The following PCDHA6 variants were observed in gnomAD, a reference collection of about 807,000 sequenced individuals.
PCDHA6 encodes the protein protocadherin alpha 6, also known as protocadherin alpha-6.
PCDHA6 carries 55 observed loss-of-function variants against 60.3 expected under a neutral mutation model. That is an observed-to-expected ratio of 0.91 (90% confidence interval 0.73 to 1.14). The LOEUF is 1.14. Ranked by LOEUF, PCDHA6 falls within the 50% of genes most tolerant of loss-of-function variation. The probability of loss-of-function intolerance (pLI) is 0.00; values close to 1 mark genes in which losing one functional copy is unlikely to be tolerated. For missense variants in PCDHA6, 1,327 were observed against 1,256.5 expected (o/e 1.06, Z -0.85); for synonymous variants, 652 against 557.9 (o/e 1.17, Z -2.38).
At chr5:140,952,789 A>T (rs564361136) in intron 1 of PCDHA6, among the ~76,000 whole-genome samples, 1 of 152,316 alleles carries the variant, frequency 6.6e-6, no homozygotes, top group South Asian at 2.1e-4. Context: ...AAAGAGGTTT[A>T]ACTGGCTCGC....
rs2150349666 is a variant in PCDHA6, at chr5:140,842,999, G to T, written c.2394+12514G>T. ...GCAGGTGTTCGTGCTGGACGAGAAT[G>T]ACAACGCGCCGGCACTGCTGGAGCC... On this transcript the variant is annotated intron_variant, in intron 1 of 3. Coordinates refer to ENST00000529310, the MANE Select transcript of PCDHA6 (RefSeq NM_018909.4). The T allele has an allele frequency of 6.3e-5, 100 of 1,594,954 alleles. 9 individuals carry two copies. In the Admixed American group the frequency reaches 1.7e-3, roughly 27 times the overall value.
chr5:140,937,595 C>A (rs940943581), intron 1 of PCDHA6, among the ~76,000 whole-genome samples: 1 of 150,652 alleles, frequency 6.6e-6, no homozygotes, highest in South Asian at 2.1e-4. Flanking sequence ...CTAGCCTGGG[C>A]AACAGAGTGA....
intron 1 of PCDHA6, among the ~76,000 whole-genome samples, chr5:140,873,569 G>A (rs1419596036): frequency 6.7e-6 from 1 of 148,974 alleles, no homozygotes; most frequent in African/African-American, 2.4e-5. Context: ...TTCTAGTTTG[G>A]TTGTTTAAGT....
chr5:140,961,776 A>G (rs1554225585), intron 1 of PCDHA6, among the ~76,000 whole-genome samples: 1 of 152,188 alleles, frequency 6.6e-6, no homozygotes, highest in African/African-American at 2.4e-5. Flanking sequence ...ATCAAGCTTA[A>G]TGGCACTTTT....
intron 1 of PCDHA6, among the ~76,000 whole-genome samples, chr5:140,905,043 A>T (rs782694794): frequency 1.5e-4 from 23 of 152,126 alleles, no homozygotes; most frequent in Non-Finnish European, 5.9e-5. Flanking sequence ...TAGTTTAATT[A>T]GGTCCCATTT....
Position 140,939,111 on chromosome 5 carries a change from T to G in PCDHA6, c.2395-39838T>G, listed in dbSNP as rs141486595. Reference sequence around the variant, plus strand: ...CTTAAAAACAATAGAAATTTATTTTTCACAATTCTGGAAGCTGGAAAGTTG... The same window carrying G: ...CTTAAAAACAATAGAAATTTATTTTGCACAATTCTGGAAGCTGGAAAGTTG... On this transcript the variant is annotated intron_variant, in intron 1 of 3. Coordinates refer to ENST00000529310, the MANE Select transcript of PCDHA6 (RefSeq NM_018909.4). Among the ~76,000 whole-genome samples, 62 of 152,324 alleles carry G rather than the reference T, an allele frequency of 4.1e-4. No homozygotes were observed. The East Asian group carries it at 0.01, about 25-fold the overall frequency.
chr5:140,828,657 A>C lies in PCDHA6; in HGVS notation c.566A>C (p.Asn189Thr). The change falls in exon 1 of 4, where the codon AAT becomes ACT. Residue 189 changes from asparagine (N) to threonine (T), a missense_variant. Transcript: ENST00000529310. ...GATGTGAAAATAAACAGTGATGACA[A>C]TAAACAAATTGGGCTCTTATTAAAG... ...GLDVKINSDD[N>T]KQIGLLLKKS... The C allele has an allele frequency of 6.2e-7, 1 of 1,614,208 alleles. No individual in the cohort carries two copies. The highest frequency in any genetic ancestry group is 8.5e-7 in the Non-Finnish European group (1 of 1,180,038).
intron 1 of PCDHA6, among the ~76,000 whole-genome samples, chr5:140,839,701 G>A (rs1342678083): frequency 6.6e-6 from 1 of 152,034 alleles, no homozygotes; most frequent in Non-Finnish European, 1.5e-5. Context: ...GGTAAATAAT[G>A]TGATGACAAA....
chr5:141,010,201 C>A lies in PCDHA6; in HGVS notation c.*264C>A, dbSNP rs782495760. On this transcript the variant is annotated 3_prime_UTR_variant, in exon 4 of 4. Transcript: ENST00000529310. ...GCAGACCCAAGTTTCCTTTCTCCTC[C>A]GCCGCAAAGGAGAGGCTTCCCAGCC... 5.0e-5 allele frequency: 77 copies of A among 1,551,916 alleles called. No individual in the cohort carries two copies. The highest frequency in any genetic ancestry group is 6.1e-5 in the Non-Finnish European group (70 of 1,147,084).
At position 140,828,598 on chromosome 5, in the gene PCDHA6, C is replaced by A. The variant is rs2150157215; in HGVS notation, c.507C>A (p.Thr169=). ...DADVGSNSIL[T]YKLSSSEYFG... ...ATGTTGGCTCAAATTCCATCTTAAC[C>A]TATAAACTCAGTTCTAGCGAATACT... The change falls in exon 1 of 4, where the codon ACC becomes ACA. Residue 169 remains threonine (T), a synonymous_variant. Transcript: ENST00000529310. 30 of 1,614,080 alleles carry A rather than the reference C, an allele frequency of 1.9e-5. No individual in the cohort carries two copies. The highest frequency in any genetic ancestry group is 2.3e-5 in the Non-Finnish European group (27 of 1,180,038).
Position 140,829,625 on chromosome 5 carries a change from G to A in PCDHA6, c.1534G>A (p.Ala512Thr), listed in dbSNP as rs138462086. 388 of 1,612,150 alleles carry A rather than the reference G, an allele frequency of 2.4e-4. No homozygotes were observed. The highest frequency in any genetic ancestry group is 2.9e-4 in the Non-Finnish European group (345 of 1,179,766). Residue 512 changes from alanine to threonine, a missense_variant, in exon 1 of 4, where the codon GCG (alanine) becomes ACG (threonine). Coordinates refer to ENST00000529310, the MANE Select transcript of PCDHA6 (RefSeq NM_018909.4). ...GTTGTCGAGCTACATTTCGGTGCAC[G>A]CGGAGAGCGGCAAGGTGTACGCGCT... ...RALSSYISVH[A>T]ESGKVYALQP...
At chr5:140,938,218 T>C (rs1050033125) in intron 1 of PCDHA6, among the ~76,000 whole-genome samples, 1 of 152,210 alleles carries the variant, frequency 6.6e-6, no homozygotes, top group Admixed American at 6.5e-5. Flanking sequence ...AGTGCTGGGA[T>C]TACAGGCATA....
chr5:140,928,513 A>AT (rs1563106002), intron 1 of PCDHA6: 1 of 1,614,182 alleles, frequency 6.2e-7, no homozygotes, highest in South Asian at 1.1e-5. Flanking sequence ...AACAGTGACT[A>AT]TAAACTTGTT....
At chr5:140,858,775 A>C (rs2045585315) in intron 1 of PCDHA6, 2 of 422,450 alleles carry the variant, frequency 4.7e-6, no homozygotes, top group Non-Finnish European at 8.6e-6. Context: ...TGAGATTAGT[A>C]CTTCATGTTA....
At position 140,882,742 on chromosome 5, in the gene PCDHA6, C is replaced by G. The variant is rs372229324; in HGVS notation, c.2394+52257C>G. Reference sequence around the variant, plus strand: ...CTCGATTTCCACTAGATGGCGCATCCGATGCAGATATTGGAGTAAACTCGG... The same window carrying G: ...CTCGATTTCCACTAGATGGCGCATCGGATGCAGATATTGGAGTAAACTCGG... On this transcript the variant is annotated intron_variant, in intron 1 of 3. Coordinates refer to ENST00000529310, the MANE Select transcript of PCDHA6 (RefSeq NM_018909.4). 126 of 1,614,092 alleles carry G rather than the reference C, an allele frequency of 7.8e-5. 1 individual carries two copies. The Middle Eastern group carries it at 1.6e-3, about 21-fold the overall frequency.
At chr5:140,913,610 A>C (rs1271705435) in intron 1 of PCDHA6, among the ~76,000 whole-genome samples, 2 of 151,906 alleles carry the variant, frequency 1.3e-5, no homozygotes, top group African/African-American at 4.8e-5. Flanking sequence ...TATTTTCTCT[A>C]CTAATTTTGG....
In PCDHA6 at chr5:140,976,792, T is replaced by C. The variant is rs982135806; in HGVS notation, c.2395-2157T>C. 2.1e-4 allele frequency among the ~76,000 whole-genome samples: 32 copies of C among 152,216 alleles called. 1 individual carries two copies. The highest frequency in any genetic ancestry group is 1.0e-3 in the Admixed American group (16 of 15,274). ...AGACTCTGACTATATAGCTACGCTT[T>C]TATGAATATCTGAAGATATGCATGT... On this transcript the variant is annotated intron_variant, in intron 1 of 3. Coordinates refer to ENST00000529310, the MANE Select transcript of PCDHA6 (RefSeq NM_018909.4).
chr5:141,000,615 A>G (rs2097951954), intron 3 of PCDHA6, among the ~76,000 whole-genome samples: 1 of 150,870 alleles, frequency 6.6e-6, no homozygotes, highest in South Asian at 2.1e-4. Context: ...TTTAGTAGAG[A>G]CAGGGTTTCA....
chr5:140,883,453 C>A lies in PCDHA6; in HGVS notation c.2394+52968C>A, dbSNP rs138388360. The stretch of plus-strand genomic sequence containing the variant: ...GCACCTTGACGCCGCATGTCCCCTT[C>A]AAGCTGGTGTCCACCTACAAGAACT... On this transcript the variant is annotated intron_variant, in intron 1 of 3. Transcript: ENST00000529310. 3.2e-5 allele frequency: 51 copies of A among 1,614,168 alleles called. No individual in the cohort carries two copies. In the East Asian group the frequency reaches 1.1e-3, roughly 35 times the overall value.
Sources: allele counts gnomAD v4.1 joint callset (sites outside exome capture counted in the v4.1 genomes callset), GRCh38; gene constraint gnomAD v4.1.1; transcripts MANE v1.5; gene names NCBI Gene and HGNC (gene_info 2026-07-23, HGNC 2026-07-21).